Variants in CNIH3 observed in about 807,000 individuals in gnomAD.
CNIH3 encodes protein cornichon homolog 3.
CNIH3 carries 14 observed loss-of-function variants against 24.1 expected under a neutral mutation model. The observed-to-expected ratio is 0.58, with a 90% CI of 0.38 to 0.91. CNIH3 has a LOEUF of 0.91. Among genes scored for constraint, CNIH3 ranks in the 40% least tolerant of loss-of-function variants. CNIH3 has a pLI of 0.00. For synonymous variants in CNIH3, 68 were observed against 73.8 expected, an observed-to-expected ratio of 0.92 and a Z score of 0.40; for missense variants, 178 against 196.8, an observed-to-expected ratio of 0.90 and a Z score of 0.57.
rs1412146424 is a variant in CNIH3, at chr1:224,740,033, A to G, written c.*677A>G. The G allele has an allele frequency of 6.6e-6, 1 of 152,260 alleles. No homozygotes were observed. Among genetic ancestry groups the G allele is most frequent in the Non-Finnish European group, 1.5e-5 (1 of 68,086 alleles). The allele number at this position is 152,260 out of a possible 1,614,324, so 9.4% of individuals were successfully genotyped here. Reference sequence around the variant, plus strand: ...GATCAAGGTGTTAGTTCTCCACCACACAAGTTGTATTCTTCTTTTGCCACC... The same window carrying G: ...GATCAAGGTGTTAGTTCTCCACCACGCAAGTTGTATTCTTCTTTTGCCACC... On this transcript the variant is annotated 3_prime_UTR_variant, in exon 6 of 6. Coordinates refer to ENST00000272133, the MANE Select transcript of CNIH3 (RefSeq NM_152495.2).
At chr1:224,615,432 G>C (rs1682910192), upstream of CNIH3, 1 of 152,208 alleles carries the variant, frequency 6.6e-6, no homozygotes, top group African/African-American at 2.4e-5. Flanking sequence ...GGGCCACTGG[G>C]GGAAAGGGTG....
At chr1:224,490,814 A>G (rs1677210853) in intron 1 of CNIH3, among the ~76,000 whole-genome samples, 1 of 152,254 alleles carries the variant, frequency 6.6e-6, no homozygotes, top group Middle Eastern at 3.2e-3. Flanking sequence ...GGCAGCTCCC[A>G]GAATCACAGC....
chr1:224,561,697 GTGTGGTC>G (rs1680380132), intron 3 of CNIH3, among the ~76,000 whole-genome samples: 1 of 152,218 alleles, frequency 6.6e-6, no homozygotes, highest in Non-Finnish European at 1.5e-5. Context: ...TGTCAGACAA[GTGTGGTC>G]TGAAGGCTCC....
chr1:224,646,145 G>A (rs1313797794), intron 1 of CNIH3, among the ~76,000 whole-genome samples: 2 of 57,372 alleles, frequency 3.5e-5, no homozygotes. Context: ...AGACAGCAGA[G>A]GTTTTCAGTG....
chr1:224,511,727 ACCTGTAGT>A (rs775297906), upstream of CNIH3, among the ~76,000 whole-genome samples: 23 of 151,880 alleles, frequency 1.5e-4, no homozygotes, highest in Non-Finnish European at 2.1e-4. Flanking sequence ...GGTGGCATAC[ACCTGTAGT>A]CCCAGTTATT....
intron 1 of CNIH3, among the ~76,000 whole-genome samples, chr1:224,657,572 T>TA (rs1685158446): frequency 6.6e-6 from 1 of 152,134 alleles, no homozygotes; most frequent in Admixed American, 6.5e-5. Flanking sequence ...AAAGACATAA[T>TA]AAAAAATTAT....
At chr1:224,560,508 CTGCTCCCCGT>C (rs1680321162) in intron 3 of CNIH3, among the ~76,000 whole-genome samples, 1 of 152,122 alleles carries the variant, frequency 6.6e-6, no homozygotes, top group African/African-American at 2.4e-5. Context: ...GCATTTAGAG[CTGCTCCCCGT>C]TGCTTGCATT....
At chr1:224,512,988 T>C (rs1245948528), upstream of CNIH3, among the ~76,000 whole-genome samples, 14 of 152,238 alleles carry the variant, frequency 9.2e-5, no homozygotes, top group Admixed American at 8.5e-4. Context: ...AATTATTAGC[T>C]TACAGCATTG....
At position 224,616,756 on chromosome 1, in the gene CNIH3, A is replaced by G. The variant is rs561360477; in HGVS notation, c.-419A>G. 6 of 1,013,422 alleles carry G rather than the reference A, an allele frequency of 5.9e-6. No homozygotes were observed. In the South Asian group the frequency reaches 2.2e-4, roughly 36 times the overall value. The allele number at this position is 1,013,422 out of a possible 1,614,324, so 62.8% of individuals were successfully genotyped here. ...AGCGCTCGTCTCTCCTCAGCGGTTTAGTGGAGAAAAGCAGAGAGCTCTTCC... is the reference window on the plus strand; with the variant it reads ...AGCGCTCGTCTCTCCTCAGCGGTTTGGTGGAGAAAAGCAGAGAGCTCTTCC... On this transcript the variant is annotated 5_prime_UTR_variant, in exon 1 of 6. Coordinates refer to ENST00000272133, the MANE Select transcript of CNIH3 (RefSeq NM_152495.2).
At chr1:224,641,415 T>G (rs1684355759) in intron 1 of CNIH3, among the ~76,000 whole-genome samples, 1 of 152,204 alleles carries the variant, frequency 6.6e-6, no homozygotes, top group Admixed American at 6.5e-5. Flanking sequence ...ACGGATGCCC[T>G]CTTCATCCCA....
At chr1:224,475,010 A>C (rs1572322154) in intron 1 of CNIH3, among the ~76,000 whole-genome samples, 1 of 146,514 alleles carries the variant, frequency 6.8e-6, no homozygotes, top group Non-Finnish European at 1.5e-5. Context: ...GTGCCACTGC[A>C]CTCCAGCCTG....
chr1:224,448,214 A>G, intron 1 of CNIH3, among the ~76,000 whole-genome samples: 1 of 151,664 alleles, frequency 6.6e-6, no homozygotes, highest in East Asian at 1.9e-4. Flanking sequence ...TCCAGCCTGG[A>G]CGACAGAGCA....
Position 224,640,606 on chromosome 1 carries a change from A to G in CNIH3, c.81+23351A>G, listed in dbSNP as rs114379520. 8.4e-3 allele frequency among the ~76,000 whole-genome samples: 1,283 copies of G among 152,276 alleles called. 18 individuals are homozygous for G. Among genetic ancestry groups the G allele is most frequent in the African/African-American group, 0.029 (1,187 of 41,538 alleles). On this transcript the variant is annotated intron_variant, in intron 1 of 5. Coordinates refer to ENST00000272133, the MANE Select transcript of CNIH3 (RefSeq NM_152495.2). ...AGCATCACCGCTTTCTCTTCTAGCT[A>G]TTCTCTGCTCATTAGTTTCTGTGCC... is the stretch of plus-strand genomic sequence containing the variant.
downstream of CNIH3, among the ~76,000 whole-genome samples, chr1:224,538,687 G>A (rs535071981): frequency 6.7e-6 from 1 of 149,504 alleles, no homozygotes; most frequent in Non-Finnish European, 1.5e-5. Flanking sequence ...AAGAGACAGG[G>A]TCTTGCGTGT....
At chr1:224,521,312 C>T (rs1678618609) in exon 2 of CNIH3, 1 of 152,202 alleles carries the variant, frequency 6.6e-6, no homozygotes, top group African/African-American at 2.4e-5. Flanking sequence ...GAGATTCCAT[C>T]AGCCAGGAAG....
intron 1 of CNIH3, among the ~76,000 whole-genome samples, chr1:224,671,598 T>C (rs1343364441): frequency 6.6e-6 from 1 of 152,254 alleles, no homozygotes; most frequent in African/African-American, 2.4e-5. Flanking sequence ...TAACGACCTC[T>C]CATTCTTCTT....
rs977842874 is a variant in CNIH3 at position 224,704,812 on chromosome 1, C to A, written c.198+19969C>A. Among the ~76,000 whole-genome samples the A allele has an allele frequency of 3.9e-5, 6 of 152,070 alleles. No homozygotes were observed. Among genetic ancestry groups the A allele is most frequent in the Admixed American group, 6.6e-5 (1 of 15,258 alleles). On this transcript the variant is annotated intron_variant, in intron 3 of 5. Transcript: ENST00000272133. The surrounding 1 kb of genome is among the most constrained non-coding windows in gnomAD (Gnocchi z 4.2). ...TTGCTTTTTAAATTCAGGATCCAAT[C>A]AAAAATCACACATTGCACCAGGCAC...
chr1:224,449,806 C>T (rs1572262001), intron 1 of CNIH3, among the ~76,000 whole-genome samples: 1 of 152,138 alleles, frequency 6.6e-6, no homozygotes, highest in Non-Finnish European at 1.5e-5. Context: ...TGGCCAATAC[C>T]TGTCTTTGGA....
chr1:224,617,353 G>C, intron 1 of CNIH3, 98 bp downstream of exon 1: 1 of 1,323,650 alleles, frequency 7.6e-7, no homozygotes, highest in East Asian at 2.3e-5. Context: ...TGGGCGAACC[G>C]GAAGGTTGGA....
Sources: allele counts gnomAD v4.1 joint callset (sites outside exome capture counted in the v4.1 genomes callset), GRCh38; gene constraint gnomAD v4.1.1; non-coding constraint Gnocchi (gnomAD v3.1); transcripts MANE v1.5; gene names NCBI Gene and HGNC (gene_info 2026-07-23, HGNC 2026-07-21).